RASGRF2: variants seen among roughly 807,000 people sequenced by gnomAD.
The protein encoded by RASGRF2 is Ras protein specific guanine nucleotide releasing factor 2, also known as ras-specific guanine nucleotide-releasing factor 2.
A neutral mutation model predicts 151.0 loss-of-function variants in RASGRF2; 76 were observed. The ratio of observed to expected loss-of-function variants is 0.50; its 90% CI spans 0.42 to 0.61. The LOEUF is 0.61. RASGRF2 is among the 20% of genes least tolerant of loss of function. RASGRF2 has a pLI of 0.00. For missense variants in RASGRF2, 1,148 were observed against 1,564.6 expected (o/e 0.73, Z 4.49); for synonymous variants, 504 against 566.5 (o/e 0.89, Z 1.57).
At chr5:81,081,387 G>T (rs546988655) in intron 7 of RASGRF2, among the ~76,000 whole-genome samples, 3 of 152,340 alleles carry the variant, frequency 2.0e-5, no homozygotes, top group African/African-American at 7.2e-5. Context: ...GGCCGCAGGG[G>T]CTCCCTTTCT....
intron 1 of RASGRF2, among the ~76,000 whole-genome samples, chr5:81,041,355 G>A (rs1331568199): frequency 6.6e-6 from 1 of 151,904 alleles, no homozygotes; most frequent in Non-Finnish European, 1.5e-5. Flanking sequence ...GATCTACTGG[G>A]TGTACTGTTA....
rs201389063 is a variant in RASGRF2, at chr5:81,112,573, C to T, written c.1839-37C>T. 2.5e-5 allele frequency: 41 copies of T among 1,610,378 alleles called. No individual in the cohort carries two copies. The Admixed American group carries it at 3.7e-4, about 14-fold the overall frequency. On this transcript the variant is annotated intron_variant, in intron 13 of 26. Transcript: ENST00000265080. ...TCAGTGGCCGAGGGGGAAGCCTCCT[C>T]CTGGTTTTACCATCATGTTCCTGCC...
rs567005150 is a variant in RASGRF2 at position 81,087,597 on chromosome 5, G to A, written c.1390+644G>A. 2.7e-5 allele frequency: 15 copies of A among 559,222 alleles called. No individual in the cohort carries two copies. In the South Asian group the frequency reaches 3.8e-4, roughly 14 times the overall value. The allele number at this position is 559,222 out of a possible 1,614,324, so 34.6% of individuals were successfully genotyped here. A position where few individuals can be genotyped will look rare whatever the true frequency, so the allele number is the denominator to read the frequency against. On this transcript the variant is annotated intron_variant, in intron 9 of 26. Coordinates refer to ENST00000265080, the MANE Select transcript of RASGRF2 (RefSeq NM_006909.3). ...TATTTGTGCCGGAAACTGTGGAGAA[G>A]CAACAGCCTGACAGTGCCTATTTCT... is the stretch of plus-strand genomic sequence containing the variant.
At chr5:81,031,912 T>C (rs1234177388) in intron 1 of RASGRF2, among the ~76,000 whole-genome samples, 1 of 151,302 alleles carries the variant, frequency 6.6e-6, no homozygotes, top group Non-Finnish European at 1.5e-5. Flanking sequence ...GCAAGACTAA[T>C]AAAGAAGAAA....
At chr5:81,174,150 C>G (rs1195458279) in intron 17 of RASGRF2, among the ~76,000 whole-genome samples, 1 of 152,092 alleles carries the variant, frequency 6.6e-6, no homozygotes, top group African/African-American at 2.4e-5. Flanking sequence ...CAAGGAGAGA[C>G]AAAGAAGAGT....
chr5:81,065,818 A>G (rs940340251), intron 2 of RASGRF2, among the ~76,000 whole-genome samples: 2 of 152,104 alleles, frequency 1.3e-5, no homozygotes, highest in African/African-American at 4.8e-5. Flanking sequence ...ATTCCATTAT[A>G]TAGGTGCTGA....
intron 2 of RASGRF2, among the ~76,000 whole-genome samples, chr5:81,049,958 A>G (rs771066626): frequency 6.6e-6 from 1 of 152,200 alleles, no homozygotes; most frequent in South Asian, 2.1e-4. Context: ...TAAGCAAGAC[A>G]AACCCAAACT....
chr5:81,217,812 G>A (rs1342931376), intron 25 of RASGRF2, among the ~76,000 whole-genome samples: 4 of 149,872 alleles, frequency 2.7e-5, no homozygotes, highest in Non-Finnish European at 5.9e-5. Flanking sequence ...GCGCAATCTC[G>A]GCTCACTGCA....
At chr5:81,202,012 T>A (rs912025454) in intron 19 of RASGRF2, among the ~76,000 whole-genome samples, 6 of 152,210 alleles carry the variant, frequency 3.9e-5, no homozygotes, top group Non-Finnish European at 5.9e-5. Context: ...CACTTCTATG[T>A]GATAAAGGCT....
Position 81,225,847 on chromosome 5 carries a change from C to A in RASGRF2, c.*77C>A. The A allele has an allele frequency of 7.0e-7, 1 of 1,431,376 alleles. No individual in the cohort carries two copies. The highest frequency in any genetic ancestry group is 9.4e-7 in the Non-Finnish European group (1 of 1,065,048). The allele number at this position is 1,431,376 out of a possible 1,614,324, so 88.7% of individuals were successfully genotyped here. On this transcript the variant is annotated 3_prime_UTR_variant, in exon 27 of 27. Coordinates refer to ENST00000265080, the MANE Select transcript of RASGRF2 (RefSeq NM_006909.3). ...ACAGAATTGTGTATGCCTTGCCTATCACGGTACAGCACGAAGCCAGGCTCC... is the reference window on the plus strand; with the variant it reads ...ACAGAATTGTGTATGCCTTGCCTATAACGGTACAGCACGAAGCCAGGCTCC...
chr5:81,195,594 A>G (rs1386651551), intron 18 of RASGRF2, among the ~76,000 whole-genome samples: 12 of 144,532 alleles, frequency 8.3e-5, no homozygotes, highest in Admixed American at 7.7e-4. Context: ...TTTTTGATAG[A>G]TAAACAAAGG....
At chr5:81,083,600 A>G (rs1446326164) in intron 7 of RASGRF2, among the ~76,000 whole-genome samples, 1 of 152,230 alleles carries the variant, frequency 6.6e-6, no homozygotes, top group African/African-American at 2.4e-5. Context: ...AGTAAGTCCA[A>G]GTATTGCCAA....
At chr5:81,076,237 G>A (rs951250131) in intron 5 of RASGRF2, among the ~76,000 whole-genome samples, 2 of 152,174 alleles carry the variant, frequency 1.3e-5, no homozygotes, top group Admixed American at 6.5e-5. Context: ...AAGGGCTGCT[G>A]TAAAGAGGAG....
intron 17 of RASGRF2, among the ~76,000 whole-genome samples, chr5:81,130,041 G>A (rs153239): frequency 0.41 from 62,939 of 152,060 alleles, 15,098 homozygotes; most frequent in African/African-American, 0.67. Flanking sequence ...TAACCAAAAC[G>A]GCCAGCTCTT....
At chr5:80,963,413 A>G (rs1747625131) in intron 1 of RASGRF2, among the ~76,000 whole-genome samples, 1 of 152,174 alleles carries the variant, frequency 6.6e-6, no homozygotes, top group Non-Finnish European at 1.5e-5. Flanking sequence ...TTTCCGTGTT[A>G]TTTCTTTAAG....
At chr5:81,219,382 G>A (rs1753006929) in intron 25 of RASGRF2, among the ~76,000 whole-genome samples, 3 of 152,036 alleles carry the variant, frequency 2.0e-5, no homozygotes, top group Admixed American at 6.5e-5. Flanking sequence ...TGCCCAGCCT[G>A]GACAGCCAGG....
intron 1 of RASGRF2, among the ~76,000 whole-genome samples, chr5:80,983,375 C>T (rs796637100): frequency 3.9e-5 from 6 of 152,316 alleles, no homozygotes; most frequent in African/African-American, 1.4e-4. Context: ...GACTTGGGCT[C>T]TCTGCATGGT....
chr5:81,178,260 A>G (rs1754828555), intron 17 of RASGRF2, among the ~76,000 whole-genome samples: 1 of 152,216 alleles, frequency 6.6e-6, no homozygotes, highest in Non-Finnish European at 1.5e-5. Flanking sequence ...AGATAAAATT[A>G]TTAGGAAACA....
At chr5:81,170,545 C>G (rs1445760460) in intron 17 of RASGRF2, among the ~76,000 whole-genome samples, 1 of 152,156 alleles carries the variant, frequency 6.6e-6, no homozygotes, top group Non-Finnish European at 1.5e-5. Flanking sequence ...AGAGCTGTCC[C>G]AGCCTTTTCA....
Sources: gnomAD v4.1 joint callset for allele counts (sites outside exome capture counted in the v4.1 genomes callset) on GRCh38, gnomAD v4.1.1 for gene constraint, MANE v1.5 for transcripts, NCBI Gene and HGNC (gene_info 2026-07-23, HGNC 2026-07-21) for gene names.